The following PLOD2 variants were observed in gnomAD, a reference collection of about 807,000 sequenced individuals.
PLOD2 encodes lysine hydroxylase 2.
In PLOD2, 65 loss-of-function variants were observed where a neutral mutation model predicts 101.0. The ratio of observed to expected loss-of-function variants is 0.64; its 90% CI spans 0.53 to 0.79. The LOEUF is 0.79. Ranked by LOEUF, PLOD2 falls within the 30% of genes least tolerant of loss-of-function variation. PLOD2 has a pLI of 0.00. For missense variants in PLOD2, 909 were observed against 914.6 expected, an observed-to-expected ratio of 0.99 and a Z score of 0.08; for synonymous variants, 314 against 302.9, an observed-to-expected ratio of 1.04 and a Z score of -0.38.
rs1937496211 is a variant in PLOD2, at chr3:146,104,330, T to C, written c.628A>G (p.Ile210Val). The C allele has an allele frequency of 6.5e-7, 1 of 1,536,930 alleles. No individual in the cohort carries two copies. The highest frequency in any genetic ancestry group is 1.4e-5 in the African/African-American group (1 of 73,436). Residue 210 changes from isoleucine to valine, a missense_variant, in exon 6 of 20, where the codon ATC becomes GTC. Coordinates refer to ENST00000282903, the MANE Select transcript of PLOD2 (RefSeq NM_182943.3). ...IDPLKREAIN[I>V]TLDHKCKIFQ... ...ATTTTGCATTTGTGATCCAATGTGA[T>C]GTTAATAGCTTCCTAAAACATAAGA...
intron 1 of PLOD2, among the ~76,000 whole-genome samples, chr3:146,139,557 T>C (rs867601449): frequency 5.9e-5 from 9 of 152,164 alleles, no homozygotes; most frequent in Admixed American, 3.3e-4. Context: ...AAGGGTTTTA[T>C]TATGATGCAG....
In PLOD2 at chr3:146,121,633, C is replaced by A. The variant is rs545325977; in HGVS notation, c.202-385G>T. ...GAAATCTTTATGATCAACATTGAAG[C>A]TCAGTGACTCCTTGATGAGGGGCCT... On this transcript the variant is annotated intron_variant, in intron 2 of 19. Transcript: ENST00000282903. Among the ~76,000 whole-genome samples the A allele has an allele frequency of 6.6e-5, 10 of 152,168 alleles. No individual in the cohort carries two copies. In the East Asian group the frequency reaches 7.7e-4, roughly 12 times the overall value.
In PLOD2 at chr3:146,091,826, C is replaced by G. The variant is rs141419117; in HGVS notation, c.853G>C (p.Asp285His). 6.2e-7 allele frequency: 1 copy of G among 1,601,316 alleles called. No individual in the cohort carries two copies. The highest frequency in any genetic ancestry group is 8.6e-7 in the Non-Finnish European group (1 of 1,168,662). ...QDNGCTLCEFDTVDLSAVDVH... is the reference protein window; with the variant it reads ...QDNGCTLCEFHTVDLSAVDVH... The stretch of plus-strand genomic sequence containing the variant: ...TCTACTGCAGACAAGTCGACTGTAT[C>G]GAATTCACAAAGAGTGCAGCCATTA... Residue 285 changes from aspartate to histidine, a missense_variant, in exon 8 of 20, where the codon GAT (aspartate) becomes CAT (histidine). Asp to His is a moderately conservative substitution (Grantham distance 81, BLOSUM62 -1). Coordinates refer to ENST00000282903, the MANE Select transcript of PLOD2 (RefSeq NM_182943.3).
chr3:146,124,253 A>G lies in PLOD2; in HGVS notation c.110-24T>C, dbSNP rs767900661. 6.0e-6 allele frequency: 8 copies of G among 1,331,954 alleles called. No homozygotes were observed. In the Admixed American group the frequency reaches 6.7e-5, roughly 11 times the overall value. The allele number at this position is 1,331,954 out of a possible 1,614,324, so 82.5% of individuals were successfully genotyped here. The stretch of plus-strand genomic sequence containing the variant: ...ATCTGCAAAGACAAAAGGAAACAAA[A>G]GAAGGTTTACCAAGATATCAAATGC... On this transcript the variant is annotated intron_variant, in intron 1 of 19. Coordinates refer to ENST00000282903, the MANE Select transcript of PLOD2 (RefSeq NM_182943.3).
intron 13 of PLOD2, among the ~76,000 whole-genome samples, chr3:146,078,749 T>C (rs1013825600): frequency 1.3e-5 from 2 of 151,836 alleles, no homozygotes; most frequent in African/African-American, 4.8e-5. Flanking sequence ...TCTGGAAATA[T>C]TGTTTCATCG....
intron 1 of PLOD2, among the ~76,000 whole-genome samples, chr3:146,147,397 T>C (rs890646007): frequency 1.3e-5 from 2 of 152,122 alleles, no homozygotes; most frequent in Non-Finnish European, 2.9e-5. Context: ...TGGGAAATGA[T>C]AATAAATACA....
chr3:146,099,097 T>C (rs1480163773), intron 7 of PLOD2, among the ~76,000 whole-genome samples: 7 of 152,176 alleles, frequency 4.6e-5, no homozygotes, highest in Non-Finnish European at 7.4e-5. Flanking sequence ...CAAAATGAAC[T>C]AGATATGATA....
At chr3:146,089,692 A>G (rs980801169) in intron 8 of PLOD2, among the ~76,000 whole-genome samples, 10 of 151,640 alleles carry the variant, frequency 6.6e-5, no homozygotes, top group Admixed American at 4.6e-4. Context: ...GTACACTATC[A>G]TATTTCTTCA....
chr3:146,144,331 G>A (rs1369910259), intron 1 of PLOD2, among the ~76,000 whole-genome samples: 1 of 152,050 alleles, frequency 6.6e-6, no homozygotes, highest in African/African-American at 2.4e-5. Context: ...AAAAAAGGAG[G>A]ATAAAGAGAA....
intron 7 of PLOD2, among the ~76,000 whole-genome samples, chr3:146,097,662 G>A (rs1011206997): frequency 3.3e-5 from 4 of 122,394 alleles, no homozygotes; most frequent in Non-Finnish European, 5.0e-5. Context: ...CAAACACTGC[G>A]GAAGGCCGCA....
chr3:146,111,829 C>A (rs2108071941), intron 3 of PLOD2, among the ~76,000 whole-genome samples: 1 of 146,000 alleles, frequency 6.8e-6, no homozygotes, highest in East Asian at 2.1e-4. Flanking sequence ...TTCCTCAAGA[C>A]TATAAGTTGT....
At chr3:146,077,682 C>T in intron 14 of PLOD2, 180 bp downstream of exon 14, 1 of 497,886 alleles carries the variant, frequency 2.0e-6, no homozygotes, top group Non-Finnish European at 3.5e-6. Context: ...CAAGAGTTGA[C>T]TATCACACAA....
Position 146,088,574 on chromosome 3 carries a change from T to G in PLOD2, c.1005+12A>C, listed in dbSNP as rs1373569838. The stretch of plus-strand genomic sequence containing the variant: ...AGTTTTGACATAAAATATTCATTTC[T>G]CAAATACTTACTTTGTTATGAATAA... On this transcript the variant is annotated intron_variant, in intron 9 of 19. Coordinates refer to ENST00000282903, the MANE Select transcript of PLOD2 (RefSeq NM_182943.3). 6.6e-7 allele frequency: 1 copy of G among 1,521,974 alleles called. No individual in the cohort carries two copies. The highest frequency in any genetic ancestry group is 9.1e-7 in the Non-Finnish European group (1 of 1,099,342). The allele number at this position is 1,521,974 out of a possible 1,614,324, so 94.3% of individuals were successfully genotyped here.
chr3:146,101,546 T>G (rs1937389644), intron 7 of PLOD2, among the ~76,000 whole-genome samples: 1 of 152,208 alleles, frequency 6.6e-6, no homozygotes, highest in Non-Finnish European at 1.5e-5. Context: ...CTGAACAATG[T>G]CCACTACTCA....
chr3:146,121,285 C>T, intron 2 of PLOD2, 37 bp from the exon 3 acceptor site: 2 of 1,595,762 alleles, frequency 1.3e-6, no homozygotes, highest in South Asian at 1.1e-5. Context: ...CTGAGCAAAA[C>T]TCAAATTATG....
At chr3:146,074,581 CCTCT>C (rs1936265493) in intron 15 of PLOD2, among the ~76,000 whole-genome samples, 2 of 150,858 alleles carry the variant, frequency 1.3e-5, no homozygotes, top group African/African-American at 2.4e-5. Flanking sequence ...CTCATTATTC[CCTCT>C]AATATTAATT....
intron 8 of PLOD2, among the ~76,000 whole-genome samples, chr3:146,090,864 T>A (rs1936948287): frequency 6.6e-6 from 1 of 151,918 alleles, no homozygotes. Context: ...CTTCTACGTT[T>A]CTGGCTGCTG....
chr3:146,118,818 G>A (rs2108085937), intron 3 of PLOD2, among the ~76,000 whole-genome samples: 1 of 152,154 alleles, frequency 6.6e-6, no homozygotes, highest in Non-Finnish European at 1.5e-5. Context: ...AACTTTGCGT[G>A]GTCTTTTTTC....
At chr3:146,071,763 A>T (rs2107992163) in intron 17 of PLOD2, among the ~76,000 whole-genome samples, 1 of 151,778 alleles carries the variant, frequency 6.6e-6, no homozygotes, top group African/African-American at 2.4e-5. Flanking sequence ...CCCTTTAGGC[A>T]GTCTCAGCTG....
Sources: allele counts gnomAD v4.1 joint callset (sites outside exome capture counted in the v4.1 genomes callset), GRCh38; gene constraint gnomAD v4.1.1; transcripts MANE v1.5; gene names NCBI Gene and HGNC (gene_info 2026-07-23, HGNC 2026-07-21).